The following FREM2 variants were observed in gnomAD, a reference collection of about 807,000 sequenced individuals.
FREM2 encodes the protein FRAS1-related extracellular matrix protein 2.
Under a neutral mutation model 219.9 loss-of-function variants are expected in FREM2, and 119 were observed. That is an observed-to-expected ratio of 0.54 (90% confidence interval 0.47 to 0.63). The LOEUF (loss-of-function observed/expected upper bound fraction) is 0.63, where lower values mean the gene tolerates loss of function less well. FREM2 is among the 30% of genes least tolerant of loss of function. The probability of loss-of-function intolerance (pLI) is 0.00; values close to 1 mark genes in which losing one functional copy is unlikely to be tolerated. For missense variants in FREM2, 4,030 were observed against 3,993.6 expected (o/e 1.01, Z -0.25); for synonymous variants, 1,562 against 1,522.8 (o/e 1.03, Z -0.60).
At position 38,883,877 on chromosome 13, in the gene FREM2, T is replaced by G. The variant is rs1339382695; in HGVS notation, c.*3090T>G. 1 of 152,182 alleles carries G rather than the reference T, an allele frequency of 6.6e-6. No homozygotes were observed. Among genetic ancestry groups the G allele is most frequent in the African/African-American group, 2.4e-5 (1 of 41,454 alleles). The allele number at this position is 152,182 out of a possible 1,614,324, so 9.4% of individuals were successfully genotyped here. ...GGGTATGGATCATTCTGATGACAGA[T>G]TTATACAAAATGATTCAAACCAGTA... is the stretch of plus-strand genomic sequence containing the variant. On this transcript the variant is annotated 3_prime_UTR_variant, in exon 24 of 24. Coordinates refer to ENST00000280481, the MANE Select transcript of FREM2 (RefSeq NM_207361.6).
rs573026106 is a variant in FREM2 at position 38,879,367 on chromosome 13, CTTAA to C, written c.9006+394_9006+397del. Among the ~76,000 whole-genome samples, 392 of 152,298 alleles carry C rather than the reference CTTAA, an allele frequency of 2.6e-3. 1 individual carries two copies. The highest frequency in any genetic ancestry group is 9.1e-3 in the African/African-American group (378 of 41,566). On this transcript the variant is annotated intron_variant, in intron 23 of 23. Coordinates refer to ENST00000280481, the MANE Select transcript of FREM2 (RefSeq NM_207361.6). ...CTTCCTGCTGACTTTTCACCAATAT[CTTAA>C]TTAGAGTGATCTTGTGTGAACTGCT...
intron 2 of FREM2, among the ~76,000 whole-genome samples, chr13:38,725,221 T>C (rs559135002): frequency 1.3e-5 from 2 of 152,334 alleles, no homozygotes; most frequent in African/African-American, 4.8e-5. Context: ...CAATTTTGTG[T>C]CAAGTACAGT....
intron 2 of FREM2, among the ~76,000 whole-genome samples, chr13:38,743,331 A>G (rs1393934303): frequency 6.6e-6 from 1 of 151,270 alleles, no homozygotes; most frequent in East Asian, 1.9e-4. Flanking sequence ...ATATACATAC[A>G]TATATATATG....
chr13:38,835,543 C>A (rs554126557), intron 6 of FREM2, among the ~76,000 whole-genome samples: 1 of 152,278 alleles, frequency 6.6e-6, no homozygotes, highest in East Asian at 1.9e-4. Context: ...GGCAGTATGC[C>A]CATTTTCATG....
At chr13:38,846,856 T>C in intron 7 of FREM2, 134 bp downstream of exon 7, 1 of 972,198 alleles carries the variant, frequency 1.0e-6, no homozygotes, top group Non-Finnish European at 1.6e-6. Context: ...CTGAAATTAT[T>C]ACTCTAGGAG....
intron 6 of FREM2, among the ~76,000 whole-genome samples, chr13:38,796,958 C>T (rs895739992): frequency 6.6e-6 from 1 of 151,950 alleles, no homozygotes. Context: ...ATAGCTGCAG[C>T]CTTGAACTCT....
intron 3 of FREM2, among the ~76,000 whole-genome samples, chr13:38,768,397 C>T (rs1873525403): frequency 6.6e-6 from 1 of 152,118 alleles, no homozygotes; most frequent in Non-Finnish European, 1.5e-5. Flanking sequence ...CCACCTCAGC[C>T]TCCCCAGTAG....
chr13:38,738,416 A>G (rs917361169), intron 2 of FREM2, among the ~76,000 whole-genome samples: 1 of 151,848 alleles, frequency 6.6e-6, no homozygotes, highest in African/African-American at 2.4e-5. Context: ...AAAATACAAA[A>G]TTAGCCAGGC....
At chr13:38,775,584 T>G (rs1873840145) in intron 4 of FREM2, among the ~76,000 whole-genome samples, 1 of 152,206 alleles carries the variant, frequency 6.6e-6, no homozygotes, top group South Asian at 2.1e-4. Flanking sequence ...CAAAAACATT[T>G]AATAATTCAA....
At chr13:38,719,035 A>C (rs181133651) in intron 2 of FREM2, among the ~76,000 whole-genome samples, 1 of 152,322 alleles carries the variant, frequency 6.6e-6, no homozygotes, top group Non-Finnish European at 1.5e-5. Flanking sequence ...CAAACTTATT[A>C]TCTTACAGTT....
chr13:38,844,680 A>G (rs1351374406), intron 6 of FREM2, among the ~76,000 whole-genome samples: 1 of 152,190 alleles, frequency 6.6e-6, no homozygotes, highest in East Asian at 1.9e-4. Flanking sequence ...GTCCTCCCTT[A>G]ACTGCATTTC....
chr13:38,716,940 G>A (rs997329126), intron 2 of FREM2, among the ~76,000 whole-genome samples: 3 of 152,148 alleles, frequency 2.0e-5, no homozygotes, highest in African/African-American at 4.8e-5. Flanking sequence ...TGTGCATCCA[G>A]GTATGGAAAG....
intron 3 of FREM2, among the ~76,000 whole-genome samples, chr13:38,768,898 A>G (rs538353124): frequency 1.3e-5 from 2 of 152,290 alleles, no homozygotes; most frequent in South Asian, 4.1e-4. Flanking sequence ...TGAATGAACT[A>G]CCAGAGTAAG....
At chr13:38,700,727 T>A (rs953235346) in intron 2 of FREM2, among the ~76,000 whole-genome samples, 2 of 152,030 alleles carry the variant, frequency 1.3e-5, no homozygotes, top group Admixed American at 6.6e-5. Flanking sequence ...AATCTCAAAT[T>A]CTTTCCTCAG....
intron 6 of FREM2, among the ~76,000 whole-genome samples, chr13:38,832,436 G>A (rs1002724374): frequency 6.6e-6 from 1 of 152,038 alleles, no homozygotes; most frequent in Non-Finnish European, 1.5e-5. Flanking sequence ...GGTAGCAAAT[G>A]AATGTATGCA....
At chr13:38,793,928 G>A (rs530798602) in intron 6 of FREM2, among the ~76,000 whole-genome samples, 1 of 152,264 alleles carries the variant, frequency 6.6e-6, no homozygotes, top group African/African-American at 2.4e-5. Context: ...GAGAATAAAG[G>A]TAGAATGGGC....
chr13:38,712,406 A>G (rs567540699), intron 2 of FREM2, among the ~76,000 whole-genome samples: 16 of 152,360 alleles, frequency 1.1e-4, no homozygotes, highest in African/African-American at 3.8e-4. Context: ...GAATCTACCA[A>G]TATAGCTAAA....
intron 22 of FREM2, 28 bp from the exon 23 acceptor site, chr13:38,878,803 C>G: frequency 1.2e-6 from 2 of 1,611,900 alleles, no homozygotes; most frequent in Non-Finnish European, 1.7e-6. Context: ...TTATCTACAG[C>G]AATCACCACT....
chr13:38,783,342 C>A, intron 5 of FREM2, 147 bp downstream of exon 5: 1 of 900,518 alleles, frequency 1.1e-6, no homozygotes, highest in Non-Finnish European at 1.8e-6. Flanking sequence ...AGAAGTCTTT[C>A]TTCAGGATTT....
Sources: gnomAD v4.1 joint callset for allele counts (sites outside exome capture counted in the v4.1 genomes callset) on GRCh38, gnomAD v4.1.1 for gene constraint, MANE v1.5 for transcripts, NCBI Gene and HGNC (gene_info 2026-07-23, HGNC 2026-07-21) for gene names.